The following TFCP2L1 variants were observed in gnomAD, a reference collection of about 807,000 sequenced individuals.
TFCP2L1 encodes transcription factor CP2 like 1.
TFCP2L1 carries 12 observed loss-of-function variants against 72.2 expected under a neutral mutation model. That is an observed-to-expected ratio of 0.17 (90% confidence interval 0.11 to 0.27). The LOEUF (loss-of-function observed/expected upper bound fraction) is 0.27. Among genes scored for constraint, TFCP2L1 ranks in the 10% least tolerant of loss-of-function variants. The pLI is 1.00. For missense variants in TFCP2L1, 488 were observed against 624.6 expected, an observed-to-expected ratio of 0.78 and a Z score of 2.33; for synonymous variants, 260 against 251.0, an observed-to-expected ratio of 1.04 and a Z score of -0.34.
intron 13 of TFCP2L1, among the ~76,000 whole-genome samples, chr2:121,231,583 T>A (rs1031932055): frequency 6.6e-6 from 1 of 152,204 alleles, no homozygotes; most frequent in Non-Finnish European, 1.5e-5. Flanking sequence ...TCTGTCCTCC[T>A]GGCTCCCACC....
chr2:121,238,314 G>A (rs1427471862), intron 8 of TFCP2L1, among the ~76,000 whole-genome samples: 12 of 152,168 alleles, frequency 7.9e-5, no homozygotes, highest in Admixed American at 5.9e-4. Context: ...AGAATCCCAC[G>A]GGGAGTTATT....
chr2:121,239,490 A>T, intron 8 of TFCP2L1, 68 bp downstream of exon 8: 3 of 1,554,980 alleles, frequency 1.9e-6, no homozygotes, highest in Non-Finnish European at 2.7e-6. Context: ...CCCAGAAAGG[A>T]AGACTAAGAA....
In TFCP2L1 at chr2:121,234,263, G is replaced by A. The variant is rs931984424; in HGVS notation, c.1095-69C>T. 2.8e-6 allele frequency: 4 copies of A among 1,423,320 alleles called. No homozygotes were observed. The African/African-American group carries it at 4.2e-5, about 15-fold the overall frequency. The allele number at this position is 1,423,320 out of a possible 1,614,324, so 88.2% of individuals were successfully genotyped here. A position where few individuals can be genotyped will look rare whatever the true frequency, so the allele number is the denominator to read the frequency against. ...GCGCAGTTGTTTCAGAATATTCCAG[G>A]ATGGAAACAATAGTGGGCAGAACTC... On this transcript the variant is annotated intron_variant, in intron 11 of 14. Coordinates refer to ENST00000263707, the MANE Select transcript of TFCP2L1 (RefSeq NM_014553.3).
intron 7 of TFCP2L1, among the ~76,000 whole-genome samples, chr2:121,241,480 G>A (rs1270830878): frequency 6.6e-6 from 1 of 152,064 alleles, no homozygotes; most frequent in African/African-American, 2.4e-5. Flanking sequence ...CTAGGCAACA[G>A]AGCGAGACTC....
At chr2:121,234,288 C>A in intron 11 of TFCP2L1, 94 bp from the exon 12 acceptor site, 2 of 1,188,892 alleles carry the variant, frequency 1.7e-6, no homozygotes, top group South Asian at 1.3e-5. Flanking sequence ...GGGCAGAACT[C>A]AGGGAGGAAG....
At chr2:121,239,970 G>T in intron 7 of TFCP2L1, 1 of 914,134 alleles carries the variant, frequency 1.1e-6, no homozygotes, top group Non-Finnish European at 1.3e-6. Context: ...GAGAAAAAAC[G>T]AAACCAGCCA....
At chr2:121,247,857 TAATAGAAAA>T (rs1333595283) in intron 5 of TFCP2L1, among the ~76,000 whole-genome samples, 1 of 152,118 alleles carries the variant, frequency 6.6e-6, no homozygotes, top group African/African-American at 2.4e-5. Flanking sequence ...ATAGAAACTA[TAATAGAAAA>T]AATGTTTACT....
At chr2:121,260,574 C>G (rs1686812506) in intron 2 of TFCP2L1, among the ~76,000 whole-genome samples, 1 of 152,190 alleles carries the variant, frequency 6.6e-6, no homozygotes, top group African/African-American at 2.4e-5. Flanking sequence ...CAGCTCCACA[C>G]ACCAAGTGAC....
intron 2 of TFCP2L1, 103 bp downstream of exon 2, chr2:121,281,017 G>T: frequency 4.0e-6 from 6 of 1,506,226 alleles, no homozygotes; most frequent in Admixed American, 1.9e-5. Context: ...GACCTCGCCC[G>T]ACCTCACCCA....
At chr2:121,224,450 G>A (rs1685982862) in intron 14 of TFCP2L1, 63 bp from the exon 15 acceptor site, 4 of 1,575,770 alleles carry the variant, frequency 2.5e-6, no homozygotes, top group African/African-American at 2.7e-5. Context: ...CAGTATTGGG[G>A]AGTCCCAAAA....
intron 2 of TFCP2L1, among the ~76,000 whole-genome samples, chr2:121,258,494 G>A (rs927732692): frequency 3.9e-5 from 6 of 152,170 alleles, no homozygotes; most frequent in Admixed American, 6.5e-5. Flanking sequence ...AGGAAGAGGC[G>A]CACAGCTTCA....
At chr2:121,224,810 G>A (rs1354682340) in intron 14 of TFCP2L1, among the ~76,000 whole-genome samples, 4 of 152,194 alleles carry the variant, frequency 2.6e-5, no homozygotes, top group Middle Eastern at 3.4e-3. Context: ...GTGAAACCCC[G>A]TCTCTACTAA....
intron 2 of TFCP2L1, among the ~76,000 whole-genome samples, chr2:121,277,814 T>C (rs1360453984): frequency 1.3e-5 from 2 of 152,202 alleles, no homozygotes; most frequent in Non-Finnish European, 2.9e-5. Context: ...GAAAGATATA[T>C]ATACAAACAT....
rs556275854 is a variant in TFCP2L1, at chr2:121,262,579, C to A, written c.215-12932G>T. 3.3e-5 allele frequency among the ~76,000 whole-genome samples: 5 copies of A among 152,314 alleles called. No individual in the cohort carries two copies. The South Asian group carries it at 1.0e-3, about 32-fold the overall frequency. ...GATGAAGACTCAGGAGACATGGCAA[C>A]TCCCCTGCAGCGTGGGATCCGGGAA... On this transcript the variant is annotated intron_variant, in intron 2 of 14. Transcript: ENST00000263707.
chr2:121,247,927 C>T (rs1686522058), intron 5 of TFCP2L1, among the ~76,000 whole-genome samples: 1 of 152,224 alleles, frequency 6.6e-6, no homozygotes, highest in Non-Finnish European at 1.5e-5. Flanking sequence ...CTTATATATT[C>T]TACGGGCAAA....
intron 11 of TFCP2L1, 39 bp downstream of exon 11, chr2:121,235,182 T>C (rs375311510): frequency 1.2e-6 from 2 of 1,609,116 alleles, no homozygotes; most frequent in African/African-American, 1.3e-5. Flanking sequence ...CCACGGGACA[T>C]GAGCCTCTGG....
intron 13 of TFCP2L1, among the ~76,000 whole-genome samples, chr2:121,230,867 A>G (rs112138353): frequency 0.02 from 3,000 of 151,596 alleles, 113 homozygotes; most frequent in African/African-American, 0.067. Flanking sequence ...CTTGAGCCCA[A>G]GAGTTCAAGA....
Position 121,242,443 on chromosome 2 carries a change from C to G in TFCP2L1, c.684G>C (p.Lys228Asn). 6.2e-7 allele frequency: 1 copy of G among 1,614,138 alleles called. No individual in the cohort carries two copies. The highest frequency in any genetic ancestry group is 8.5e-7 in the Non-Finnish European group (1 of 1,180,034). Reference protein sequence around the residue: ...FKPKGADRKQKTDREKMEKRT... With the variant: ...FKPKGADRKQNTDREKMEKRT... Reference sequence around the variant, plus strand: ...TTTTCTCCATCTTCTCCCGGTCAGTCTTCTGTTTCCGATCGGCTCCCTTCG... The same window carrying G: ...TTTTCTCCATCTTCTCCCGGTCAGTGTTCTGTTTCCGATCGGCTCCCTTCG... Residue 228 changes from lysine (K) to asparagine (N), a missense_variant, in exon 7 of 15, where the codon AAG becomes AAC. Lys to Asn is a moderately conservative substitution (Grantham distance 94). This residue lies in a region of TFCP2L1 where 286 missense variants were observed against 329.0 expected (regional missense o/e 0.87). Transcript: ENST00000263707.
rs200585021 is a variant in TFCP2L1 at position 121,258,454 on chromosome 2, C to T, written c.215-8807G>A. Among the ~76,000 whole-genome samples the T allele has an allele frequency of 3.9e-5, 6 of 152,226 alleles. No individual in the cohort carries two copies. In the East Asian group the frequency reaches 9.6e-4, roughly 24 times the overall value. On this transcript the variant is annotated intron_variant, in intron 2 of 14. Transcript: ENST00000263707. The stretch of plus-strand genomic sequence containing the variant: ...AAATGAACAAAATGGTCAGCAATCA[C>T]GTTACTACTAAACCTTGGGGCCACC...
Sources: gnomAD v4.1 joint callset for allele counts (sites outside exome capture counted in the v4.1 genomes callset) on GRCh38, gnomAD v4.1.1 for gene constraint, gnomAD v4.1.1 regional missense constraint, MANE v1.5 for transcripts, NCBI Gene and HGNC (gene_info 2026-07-23, HGNC 2026-07-21) for gene names.